Variants in FBN2 observed in about 807,000 individuals in gnomAD.
The protein encoded by FBN2 is fibrillin 2, also known as fibrillin-2.
A neutral mutation model predicts 355.6 loss-of-function variants in FBN2; 105 were observed. The ratio of observed to expected loss-of-function variants is 0.30; its 90% CI spans 0.25 to 0.35. The LOEUF (loss-of-function observed/expected upper bound fraction) is 0.35, where lower values mean the gene tolerates loss of function less well. FBN2 is among the 10% of genes least tolerant of loss of function. The pLI is 1.00. For missense variants in FBN2, 3,280 were observed against 3,758.7 expected (o/e 0.87, Z 3.33); for synonymous variants, 1,350 against 1,301.2 (o/e 1.04, Z -0.81).
At chr5:128,309,485 T>C in intron 40 of FBN2, 86 bp from the exon 41 acceptor site, 1 of 1,161,598 alleles carries the variant, frequency 8.6e-7, no homozygotes, top group South Asian at 1.2e-5. Flanking sequence ...CATCAAGCTT[T>C]CCTGATGAAC....
In FBN2 at chr5:128,323,360, C is replaced by T. The variant is rs189966313; in HGVS notation, c.4472-4359G>A. Among the ~76,000 whole-genome samples, 1,200 of 152,212 alleles carry T rather than the reference C, an allele frequency of 7.9e-3. 28 individuals carry two copies. Among genetic ancestry groups the T allele is most frequent in the African/African-American group, 0.027 (1,135 of 41,542 alleles). ...CAGTTTTCAAAGGGAATGCTTCCAG[C>T]CTTTGCCCATTCAGTATGATATTGG... On this transcript the variant is annotated intron_variant, in intron 34 of 64. Transcript: ENST00000262464.
chr5:128,295,305 C>T (rs1749471814), intron 48 of FBN2, among the ~76,000 whole-genome samples: 1 of 151,988 alleles, frequency 6.6e-6, no homozygotes, highest in African/African-American at 2.4e-5. Flanking sequence ...CTCAGGATTG[C>T]CTTGGTGATG....
intron 5 of FBN2, among the ~76,000 whole-genome samples, chr5:128,472,201 C>T (rs1754878719): frequency 6.6e-6 from 1 of 152,140 alleles, no homozygotes; most frequent in African/African-American, 2.4e-5. Context: ...AAAATTCTGA[C>T]ACATGTTGCA....
Position 128,369,290 on chromosome 5 carries a change from C to T in FBN2, c.2140G>A (p.Val714Met), listed in dbSNP as rs759680010. The stretch of plus-strand genomic sequence containing the variant: ...GCACCGGGGAAAGGACGCACACACA[C>T]TCCTTTCTTGATTCCTCCATAGCAG... ...STCYGGIKKGVCVRPFPGAVT... is the reference protein window; with the variant it reads ...STCYGGIKKGMCVRPFPGAVT... The change falls in exon 16 of 65, where the codon GTG (valine) becomes ATG (methionine). Residue 714 changes from valine (V) to methionine (M), a missense_variant. Transcript: ENST00000262464. 1 of 1,614,018 alleles carries T rather than the reference C, an allele frequency of 6.2e-7. No individual in the cohort carries two copies. Among genetic ancestry groups the T allele is most frequent in the Admixed American group, 1.7e-5 (1 of 60,000 alleles).
chr5:128,488,764 C>T, intron 5 of FBN2, among the ~76,000 whole-genome samples: 1 of 149,002 alleles, frequency 6.7e-6, no homozygotes, highest in East Asian at 2.0e-4. Flanking sequence ...GATTTTTTGT[C>T]CTTGCGATAG....
In FBN2 at chr5:128,367,853, TCTC is replaced by T. The variant is rs1464967150; in HGVS notation, c.2248+1326_2248+1328del. On this transcript the variant is annotated intron_variant, in intron 16 of 64. Coordinates refer to ENST00000262464, the MANE Select transcript of FBN2 (RefSeq NM_001999.4). Reference sequence around the variant, plus strand: ...AGTTTGGTACATTTTAGAACTACGTTCTCCTCATTATTTTTCTTTTTTTTTTAA... The same window carrying T: ...AGTTTGGTACATTTTAGAACTACGTTCTCATTATTTTTCTTTTTTTTTTAA... 6.7e-5 allele frequency among the ~76,000 whole-genome samples: 10 copies of T among 150,206 alleles called. No individual in the cohort carries two copies. The East Asian group carries it at 1.6e-3, about 23-fold the overall frequency.
rs763789417 is a variant in FBN2 at position 128,334,842 on chromosome 5, C to T, written c.3976G>A (p.Val1326Ile). 7 of 1,611,190 alleles carry T rather than the reference C, an allele frequency of 4.3e-6. No homozygotes were observed. The highest frequency in any genetic ancestry group is 1.7e-5 in the Admixed American group (1 of 60,010). The change falls in exon 31 of 65, where the codon GTC (valine) becomes ATC (isoleucine). Residue 1326 changes from valine to isoleucine, a missense_variant and splice_region_variant. Transcript: ENST00000262464. ...ASMDMKTCID[V>I]NECDLNSNIC... The stretch of plus-strand genomic sequence containing the variant: ...TTTGAATTTAGGTCACATTCATTGA[C>T]ATCTAGAAAATTTATTTTCAATATC...
In FBN2 at chr5:128,369,253, G is replaced by C; in HGVS notation, c.2177C>G (p.Ser726Cys). 1 of 1,614,126 alleles carries C rather than the reference G, an allele frequency of 6.2e-7. No individual in the cohort carries two copies. The highest frequency in any genetic ancestry group is 8.5e-7 in the Non-Finnish European group (1 of 1,180,032). ...VRPFPGAVTKSECCCANPDYG... is the reference protein window; with the variant it reads ...VRPFPGAVTKCECCCANPDYG... The stretch of plus-strand genomic sequence containing the variant: ...GTCTGGATTGGCACAGCAGCATTCG[G>C]ACTTGGTCACTGCACCGGGGAAAGG... The change falls in exon 16 of 65, where the codon TCC becomes TGC. Residue 726 changes from serine to cysteine, a missense_variant. Around this residue, in one of 6 missense-constraint regions of FBN2, gnomAD observed 2,284 missense variants for 2,749.5 expected, o/e 0.83. Coordinates refer to ENST00000262464, the MANE Select transcript of FBN2 (RefSeq NM_001999.4).
chr5:128,428,789 C>T (rs1753545817), intron 7 of FBN2, among the ~76,000 whole-genome samples: 1 of 152,172 alleles, frequency 6.6e-6, no homozygotes, highest in South Asian at 2.1e-4. Context: ...TGACGGAACT[C>T]CGTAAATATA....
chr5:128,504,971 C>A (rs1293946360), intron 5 of FBN2, among the ~76,000 whole-genome samples: 1 of 152,130 alleles, frequency 6.6e-6, no homozygotes, highest in African/African-American at 2.4e-5. Flanking sequence ...AGCAGTTTTC[C>A]CCATACTGTT....
In FBN2 at chr5:128,448,166, A is replaced by C. The variant is rs79820576; in HGVS notation, c.827-1560T>G. On this transcript the variant is annotated intron_variant, in intron 6 of 64. Coordinates refer to ENST00000262464, the MANE Select transcript of FBN2 (RefSeq NM_001999.4). Reference sequence around the variant, plus strand: ...ACTAGATCATAGGGTATAATGAATAAATAGTGTCCAGTGGTCCTTCAGAAT... The same window carrying C: ...ACTAGATCATAGGGTATAATGAATACATAGTGTCCAGTGGTCCTTCAGAAT... Among the ~76,000 whole-genome samples, 1,014 of 152,262 alleles carry C rather than the reference A, an allele frequency of 6.7e-3. 6 individuals carry two copies. Among genetic ancestry groups the C allele is most frequent in the Middle Eastern group, 0.017 (5 of 294 alleles).
chr5:128,368,437 C>CATATATATATACAT (rs1215643724), intron 16 of FBN2, among the ~76,000 whole-genome samples: 1 of 97,728 alleles, frequency 1.0e-5, no homozygotes, highest in Non-Finnish European at 2.1e-5. Context: ...TATATATACA[C>CATATATATATACAT]ATATATACAT....
intron 55 of FBN2, among the ~76,000 whole-genome samples, chr5:128,286,376 A>G (rs1749145237): frequency 6.6e-6 from 1 of 152,230 alleles, no homozygotes; most frequent in African/African-American, 2.4e-5. Context: ...TGTCTTCCCT[A>G]GCAGTAATTC....
chr5:128,405,167 T>C (rs921990763), intron 8 of FBN2, among the ~76,000 whole-genome samples: 7 of 152,182 alleles, frequency 4.6e-5, no homozygotes, highest in Non-Finnish European at 8.8e-5. Context: ...CATTCCAGCC[T>C]GGGTGACACA....
intron 6 of FBN2, among the ~76,000 whole-genome samples, chr5:128,464,295 A>G (rs1258566666): frequency 6.6e-6 from 1 of 152,186 alleles, no homozygotes; most frequent in East Asian, 1.9e-4. Flanking sequence ...ATTAATAATG[A>G]TAGAGGGCCA....
chr5:128,374,949 C>T (rs1752044475), intron 14 of FBN2, among the ~76,000 whole-genome samples, 199 bp from the exon 15 acceptor site: 1 of 152,102 alleles, frequency 6.6e-6, no homozygotes, highest in Non-Finnish European at 1.5e-5. Flanking sequence ...ACTTTACCTA[C>T]TGAGGAAAAA....
At position 128,330,687 on chromosome 5, in the gene FBN2, C is replaced by T. The variant is rs866719857; in HGVS notation, c.4231G>A (p.Glu1411Lys). Residue 1411 changes from glutamate (E) to lysine (K), a missense_variant, in exon 33 of 65, where the codon GAA (glutamate) becomes AAA (lysine). Glu to Lys is a moderately conservative substitution (Grantham distance 56). Transcript: ENST00000262464. ...GNGIKCIDLD[E>K]CSNGTHQCSI... ...CACTGGTGGGTTCCATTAGAACATTCGTCCAGATCTGCAGAACACAGCAAT... is the reference window on the plus strand; with the variant it reads ...CACTGGTGGGTTCCATTAGAACATTTGTCCAGATCTGCAGAACACAGCAAT... 5 of 1,613,872 alleles carry T rather than the reference C, an allele frequency of 3.1e-6. No individual in the cohort carries two copies. The highest frequency in any genetic ancestry group is 1.7e-5 in the Admixed American group (1 of 60,002).
intron 35 of FBN2, 140 bp from the exon 36 acceptor site, chr5:128,318,411 T>C (rs1750270830): frequency 2.2e-6 from 2 of 900,252 alleles, no homozygotes; most frequent in South Asian, 1.4e-5. Flanking sequence ...AAAATAAATA[T>C]CTTAAATTTT....
intron 48 of FBN2, among the ~76,000 whole-genome samples, chr5:128,299,780 C>T (rs1749661366): frequency 6.6e-6 from 1 of 152,212 alleles, no homozygotes; most frequent in Non-Finnish European, 1.5e-5. Context: ...AATCACCCGT[C>T]TTCTCCGTCA....
Sources: gnomAD v4.1 joint callset for allele counts (sites outside exome capture counted in the v4.1 genomes callset) on GRCh38, gnomAD v4.1.1 for gene constraint, gnomAD v4.1.1 regional missense constraint, MANE v1.5 for transcripts, NCBI Gene and HGNC (gene_info 2026-07-23, HGNC 2026-07-21) for gene names.